The following GALNT9 variants were observed in gnomAD, a reference collection of about 807,000 sequenced individuals.
GALNT9 encodes the protein GalNAc transferase 9.
In GALNT9, 47 loss-of-function variants were observed where a neutral mutation model predicts 63.1. That is an observed-to-expected ratio of 0.75 (90% CI 0.59 to 0.95). The LOEUF is 0.95. Ranked by LOEUF, GALNT9 falls within the 40% of genes least tolerant of loss-of-function variation. GALNT9 has a pLI of 0.00. For synonymous variants in GALNT9, 396 were observed against 365.7 expected, an observed-to-expected ratio of 1.08 and a Z score of -0.94; for missense variants, 829 against 874.8, an observed-to-expected ratio of 0.95 and a Z score of 0.66.
chr12:132,308,209 T>C (rs1881687008), intron 1 of GALNT9, among the ~76,000 whole-genome samples: 1 of 152,156 alleles, frequency 6.6e-6, no homozygotes, highest in African/African-American at 2.4e-5. Flanking sequence ...CCCTGCGGCC[T>C]CTGGAGGCTG....
At chr12:132,303,938 C>T (rs1566019360) in intron 1 of GALNT9, among the ~76,000 whole-genome samples, 2 of 50,152 alleles carry the variant, frequency 4.0e-5, no homozygotes, top group African/African-American at 1.6e-4. Context: ...GACACACCCT[C>T]GCCCGGGCAC....
chr12:132,289,463 C>T (rs181098584), intron 1 of GALNT9, among the ~76,000 whole-genome samples: 76 of 152,344 alleles, frequency 5.0e-4, no homozygotes, highest in African/African-American at 1.7e-3. Context: ...CAAAGCTGTC[C>T]ACACCCTAAT....
chr12:132,261,658 C>T (rs1180629991), intron 3 of GALNT9, among the ~76,000 whole-genome samples: 1 of 152,192 alleles, frequency 6.6e-6, no homozygotes, highest in African/African-American at 2.4e-5. Flanking sequence ...GGCTAGGGCA[C>T]TGCTGCAGGC....
At chr12:132,240,611 C>T (rs2136898852) in intron 6 of GALNT9, 14 of 455,570 alleles carry the variant, frequency 3.1e-5, no homozygotes, top group African/African-American at 1.2e-4. Flanking sequence ...TGCGTGGCCC[C>T]GGGGCTCGGC....
chr12:132,248,043 A>G lies in GALNT9; in HGVS notation c.960-16T>C. ...GGCTGGGGTCCTGGGAGGCAGAGACAGCGGCGTGAGGACCTCGCCATGCAG... is the reference window on the plus strand; with the variant it reads ...GGCTGGGGTCCTGGGAGGCAGAGACGGCGGCGTGAGGACCTCGCCATGCAG... On this transcript the variant is annotated splice_polypyrimidine_tract_variant and intron_variant, in intron 5 of 10. Coordinates refer to ENST00000328957, the MANE Select transcript of GALNT9 (RefSeq NM_001122636.2). The G allele has an allele frequency of 6.5e-7, 1 of 1,544,022 alleles. No individual in the cohort carries two copies. The highest frequency in any genetic ancestry group is 8.7e-7 in the Non-Finnish European group (1 of 1,142,920).
At chr12:132,210,590 G>A (rs1283221013) in intron 6 of GALNT9, among the ~76,000 whole-genome samples, 3 of 152,176 alleles carry the variant, frequency 2.0e-5, no homozygotes, top group Non-Finnish European at 4.4e-5. Context: ...GTGGCGAGTG[G>A]GGTTAACTGG....
At position 132,295,135 on chromosome 12, in the gene GALNT9, C is replaced by G. The variant is rs1881006342; in HGVS notation, c.239-8705G>C. On this transcript the variant is annotated intron_variant, in intron 1 of 10. Transcript: ENST00000328957. ...AGGAGCGGCCGGTGCTGCCACAGCC[C>G]AGGGGCCAGAGATGGGGCCTCCAGC... 3.3e-5 allele frequency among the ~76,000 whole-genome samples: 5 copies of G among 152,348 alleles called. No individual in the cohort carries two copies. The South Asian group carries it at 1.0e-3, about 32-fold the overall frequency.
chr12:132,264,053 C>T (rs1879505695), intron 2 of GALNT9, among the ~76,000 whole-genome samples: 1 of 152,218 alleles, frequency 6.6e-6, no homozygotes, highest in Admixed American at 6.5e-5. Context: ...GCAGAGAATC[C>T]CTGTCACCTA....
rs1555241515 is a variant in GALNT9 at position 132,279,444 on chromosome 12, A to C, written c.419+6806T>G. The stretch of plus-strand genomic sequence containing the variant: ...TCCCTGGGATCTCCCCTCCCCGAGC[A>C]CAGGCTCTGCTCTGCCCAGCCCCAT... On this transcript the variant is annotated intron_variant, in intron 2 of 10. Coordinates refer to ENST00000328957, the MANE Select transcript of GALNT9 (RefSeq NM_001122636.2). The surrounding 1 kb of genome is among the most constrained non-coding windows in gnomAD (Gnocchi z 4.1). 1 of 152,356 alleles carries C rather than the reference A, an allele frequency of 6.6e-6. No individual in the cohort carries two copies. Among genetic ancestry groups the C allele is most frequent in the African/African-American group, 2.4e-5 (1 of 41,444 alleles). The allele number at this position is 152,356 out of a possible 1,614,324, so 9.4% of individuals were successfully genotyped here.
At chr12:132,312,665 C>G (rs1881856395) in intron 1 of GALNT9, among the ~76,000 whole-genome samples, 1 of 152,240 alleles carries the variant, frequency 6.6e-6, no homozygotes, top group Non-Finnish European at 1.5e-5. Flanking sequence ...GAGGAGACCT[C>G]AGGAACCCAC....
chr12:132,211,564 T>C (rs1444196940), intron 6 of GALNT9, among the ~76,000 whole-genome samples: 1 of 152,096 alleles, frequency 6.6e-6, no homozygotes, highest in Non-Finnish European at 1.5e-5. Flanking sequence ...GCAGTCTTAC[T>C]GTGATCCGCT....
In GALNT9 at chr12:132,197,946, C is replaced by G; in HGVS notation, c.1511G>C (p.Ser504Thr). ...CCCCAGCTGCAGCAGTCCATCAGCGCTGTACCGCACCAGCTGGGGACAGGA... is the reference window on the plus strand; with the variant it reads ...CCCCAGCTGCAGCAGTCCATCAGCGGTGTACCGCACCAGCTGGGGACAGGA... ...HGMSSQLVRY[S>T]ADGLLQLGPL... Residue 504 changes from serine to threonine, a missense_variant, in exon 10 of 11, where the codon AGC (serine) becomes ACC (threonine). By Grantham distance (58) the Ser-to-Thr change is moderately conservative. Coordinates refer to ENST00000328957, the MANE Select transcript of GALNT9 (RefSeq NM_001122636.2). 1 of 1,608,890 alleles carries G rather than the reference C, an allele frequency of 6.2e-7. No individual in the cohort carries two copies.
chr12:132,328,311 TG>T (rs1400026085), intron 1 of GALNT9, among the ~76,000 whole-genome samples: 3 of 151,980 alleles, frequency 2.0e-5, no homozygotes, highest in Non-Finnish European at 4.4e-5. Flanking sequence ...TGCCACAACT[TG>T]GGCCCCCCTG....
chr12:132,201,256 T>C lies in GALNT9; in HGVS notation c.1269A>G (p.Pro423=). 1 of 1,612,310 alleles carries C rather than the reference T, an allele frequency of 6.2e-7. No homozygotes were observed. The highest frequency in any genetic ancestry group is 8.5e-7 in the Non-Finnish European group (1 of 1,178,628). The stretch of plus-strand genomic sequence containing the variant: ...CAGACACGTCCCCGAAGTCCACCCC[T>C]GGGTTCTGCAAGGCCAGAAGTAGGT... ...YMAWNIPMSN[P]GVDFGDVSER... Residue 423 remains proline (P), a synonymous_variant, in exon 8 of 11, where the codon CCA becomes CCG. Transcript: ENST00000328957.
intron 1 of GALNT9, among the ~76,000 whole-genome samples, chr12:132,293,124 C>T (rs974610386): frequency 2.6e-5 from 4 of 152,226 alleles, no homozygotes; most frequent in Admixed American, 6.5e-5. Flanking sequence ...CAGGCCTCAA[C>T]CTTTAGTTGC....
chr12:132,240,799 C>G, intron 6 of GALNT9: 1 of 443,724 alleles, frequency 2.3e-6, no homozygotes, highest in Non-Finnish European at 4.5e-6. Flanking sequence ...TGTTTACACA[C>G]ATGCCACACA....
rs1298458400 is a variant in GALNT9 at position 132,285,240 on chromosome 12, C to G, written c.419+1010G>C. Among the ~76,000 whole-genome samples the G allele has an allele frequency of 2.6e-5, 4 of 152,370 alleles. No homozygotes were observed. In the East Asian group the frequency reaches 7.7e-4, roughly 29 times the overall value. Reference sequence around the variant, plus strand: ...CACCCCACGGTGAAACGCGGCCCCACTGGGCAGCCCTGAGCGCCCGGCTTC... The same window carrying G: ...CACCCCACGGTGAAACGCGGCCCCAGTGGGCAGCCCTGAGCGCCCGGCTTC... On this transcript the variant is annotated intron_variant, in intron 2 of 10. Coordinates refer to ENST00000328957, the MANE Select transcript of GALNT9 (RefSeq NM_001122636.2).
Position 132,196,798 on chromosome 12 carries a change from G to A in GALNT9, c.*309C>T, listed in dbSNP as rs1001798118. On this transcript the variant is annotated 3_prime_UTR_variant, in exon 11 of 11. Transcript: ENST00000328957. ...TGGGGCGTGGGGGGCTGTGGTACAT[G>A]CAGAGGCGGCGGCTGTCCCAGCAGC... 1.7e-6 allele frequency: 2 copies of A among 1,153,064 alleles called. No homozygotes were observed. The highest frequency in any genetic ancestry group is 3.8e-4 in the Middle Eastern group (1 of 2,626). The allele number at this position is 1,153,064 out of a possible 1,614,324, so 71.4% of individuals were successfully genotyped here. A position where few individuals can be genotyped will look rare whatever the true frequency, so the allele number is the denominator to read the frequency against.
chr12:132,322,231 C>T (rs1593126327), intron 1 of GALNT9, among the ~76,000 whole-genome samples: 1 of 152,218 alleles, frequency 6.6e-6, no homozygotes, highest in Non-Finnish European at 1.5e-5. Flanking sequence ...GTCACTCAGG[C>T]CTCCTCGTAG....
Sources: allele counts gnomAD v4.1 joint callset (sites outside exome capture counted in the v4.1 genomes callset), GRCh38; gene constraint gnomAD v4.1.1; non-coding constraint Gnocchi (gnomAD v3.1); transcripts MANE v1.5; gene names NCBI Gene and HGNC (gene_info 2026-07-23, HGNC 2026-07-21).